The following ZNF536 variants were observed in gnomAD, a reference collection of about 807,000 sequenced individuals.
ZNF536 encodes zinc finger protein 536.
ZNF536 carries 13 observed loss-of-function variants against 84.5 expected under a neutral mutation model. The observed-to-expected ratio is 0.15, with a 90% confidence interval of 0.10 to 0.24. The LOEUF (loss-of-function observed/expected upper bound fraction) is 0.24. Among genes scored for constraint, ZNF536 ranks in the 10% least tolerant of loss-of-function variants. The pLI is 1.00. For missense variants in ZNF536, 1,536 were observed against 1,747.5 expected (o/e 0.88, Z 2.16); for synonymous variants, 811 against 742.5 (o/e 1.09, Z -1.50).
At chr19:30,570,721 T>G (rs372882756) in intron 1 of ZNF536, among the ~76,000 whole-genome samples, 1 of 152,270 alleles carries the variant, frequency 6.6e-6, no homozygotes, top group African/African-American at 2.4e-5. Flanking sequence ...GGTGAAGGAA[T>G]TGAGTTAAAA....
intron 1 of ZNF536, among the ~76,000 whole-genome samples, chr19:30,428,358 A>T (rs1264142782): frequency 6.6e-6 from 1 of 152,232 alleles, no homozygotes; most frequent in African/African-American, 2.4e-5. Context: ...TCCCAGGTAC[A>T]TTAGCATTGC....
chr19:30,642,560 A>C (rs909841880), intron 1 of ZNF536, among the ~76,000 whole-genome samples: 3 of 152,178 alleles, frequency 2.0e-5, no homozygotes, highest in Non-Finnish European at 4.4e-5. Context: ...GGTCAGAGAG[A>C]CTAGAGAAAA....
At chr19:30,661,868 A>G (rs997433988) in intron 1 of ZNF536, among the ~76,000 whole-genome samples, 6 of 152,314 alleles carry the variant, frequency 3.9e-5, no homozygotes, top group African/African-American at 9.6e-5. Flanking sequence ...TTATGGCTGG[A>G]AAAAATATTT....
intron 2 of ZNF536, among the ~76,000 whole-genome samples, chr19:30,314,030 C>T (rs561108269): frequency 3.3e-5 from 5 of 152,368 alleles, no homozygotes; most frequent in Non-Finnish European, 7.3e-5. Context: ...AACTCCAGCT[C>T]TTATTCCCAA....
At chr19:30,637,243 T>C (rs1172805369) in intron 1 of ZNF536, among the ~76,000 whole-genome samples, 2 of 152,232 alleles carry the variant, frequency 1.3e-5, no homozygotes. Flanking sequence ...TACAGGCCTC[T>C]TTTCAACCCA....
intron 3 of ZNF536, among the ~76,000 whole-genome samples, chr19:30,360,060 C>T (rs2048224778): frequency 6.6e-6 from 1 of 152,232 alleles, no homozygotes; most frequent in African/African-American, 2.4e-5. Context: ...TATGAAGAGT[C>T]TGCGGGTCAG....
chr19:30,326,497 A>G (rs1276245285), intron 2 of ZNF536, among the ~76,000 whole-genome samples: 1 of 152,160 alleles, frequency 6.6e-6, no homozygotes, highest in East Asian at 1.9e-4. Flanking sequence ...CGGACAAGTC[A>G]CTTTGGCTTT....
At chr19:30,670,501 AC>A (rs2050507340) in intron 1 of ZNF536, among the ~76,000 whole-genome samples, 1 of 152,210 alleles carries the variant, frequency 6.6e-6, no homozygotes, top group Non-Finnish European at 1.5e-5. Context: ...CACCTACTCA[AC>A]ACGGGCTGTT....
Position 30,537,183 on chromosome 19 carries a change from C to T in ZNF536, c.2323+2184C>T, listed in dbSNP as rs557239912. 2.6e-5 allele frequency among the ~76,000 whole-genome samples: 4 copies of T among 152,362 alleles called. No homozygotes were observed. The East Asian group carries it at 7.7e-4, about 29-fold the overall frequency. On this transcript the variant is annotated intron_variant, in intron 3 of 4. Coordinates refer to ENST00000355537, the MANE Select transcript of ZNF536 (RefSeq NM_014717.3). ...GGCACTCAGAAAGTATTTGCTGACC[C>T]AGGCATTCCTGCGTCAATTCGTGAA...
chr19:30,507,437 A>C (rs2055220814), intron 2 of ZNF536, among the ~76,000 whole-genome samples: 1 of 152,210 alleles, frequency 6.6e-6, no homozygotes, highest in African/African-American at 2.4e-5. Context: ...ATAAGATTAA[A>C]AAGAATGCAC....
At chr19:30,351,856 A>G (rs910659527) in intron 2 of ZNF536, among the ~76,000 whole-genome samples, 1 of 152,220 alleles carries the variant, frequency 6.6e-6, no homozygotes, top group Admixed American at 6.5e-5. Flanking sequence ...TCGCACATGG[A>G]CTTCATGTTA....
intron 1 of ZNF536, among the ~76,000 whole-genome samples, chr19:30,404,731 AG>A (rs68145828): frequency 7.9e-5 from 12 of 151,944 alleles, no homozygotes; most frequent in African/African-American, 2.4e-4. Context: ...AAATGTCCGG[AG>A]GCGGGGGGGC....
intron 1 of ZNF536, among the ~76,000 whole-genome samples, chr19:30,688,660 C>T (rs1019607940): frequency 6.6e-6 from 1 of 152,226 alleles, no homozygotes; most frequent in Non-Finnish European, 1.5e-5. Context: ...ATAAAACACT[C>T]TCACATGGTT....
At chr19:30,476,484 T>C (rs955832445) in intron 2 of ZNF536, among the ~76,000 whole-genome samples, 7 of 152,348 alleles carry the variant, frequency 4.6e-5, no homozygotes, top group Non-Finnish European at 7.4e-5. Context: ...ACACTGCATA[T>C]AATTCGATGA....
At chr19:30,562,528 T>C (rs2146442306), downstream of ZNF536, among the ~76,000 whole-genome samples, 1 of 152,236 alleles carries the variant, frequency 6.6e-6, no homozygotes, top group African/African-American at 2.4e-5. Flanking sequence ...AAGAAAAACC[T>C]GATTATCTGA....
intron 1 of ZNF536, among the ~76,000 whole-genome samples, chr19:30,585,797 A>ACGTC (rs1385109105): frequency 2.0e-5 from 3 of 151,872 alleles, no homozygotes; most frequent in Non-Finnish European, 4.4e-5. Context: ...GTCAAGCCTC[A>ACGTC]CGTCCCCCAA....
chr19:30,365,372 C>T (rs1412358203), intron 3 of ZNF536, among the ~76,000 whole-genome samples: 2 of 152,140 alleles, frequency 1.3e-5, no homozygotes, highest in Non-Finnish European at 2.9e-5. Flanking sequence ...TCTTCCTCCC[C>T]CTCTCTCTCC....
At chr19:30,651,184 GC>G (rs1257464737) in intron 1 of ZNF536, among the ~76,000 whole-genome samples, 4 of 152,070 alleles carry the variant, frequency 2.6e-5, no homozygotes, top group Non-Finnish European at 5.9e-5. Context: ...GAGGGCGGGC[GC>G]CCACCTTCAC....
chr19:30,391,279 T>C (rs549712431), intron 1 of ZNF536, among the ~76,000 whole-genome samples: 1 of 152,326 alleles, frequency 6.6e-6, no homozygotes, highest in Non-Finnish European at 1.5e-5. Flanking sequence ...AGACTTGACT[T>C]TAAACTGCTT....
Sources: gnomAD v4.1 joint callset for allele counts (sites outside exome capture counted in the v4.1 genomes callset) on GRCh38, gnomAD v4.1.1 for gene constraint, MANE v1.5 for transcripts, NCBI Gene and HGNC (gene_info 2026-07-23, HGNC 2026-07-21) for gene names.